Variants in ARHGEF26 observed in about 807,000 individuals in gnomAD.
ARHGEF26 encodes the protein Rho guanine nucleotide exchange factor (GEF) 26.
In ARHGEF26, 59 loss-of-function variants were observed where a neutral mutation model predicts 89.4. The ratio of observed to expected loss-of-function variants is 0.66; its 90% confidence interval spans 0.54 to 0.82. The LOEUF is 0.82. Among genes scored for constraint, ARHGEF26 ranks in the 40% least tolerant of loss-of-function variants. ARHGEF26 has a pLI of 0.00. For synonymous variants in ARHGEF26, 500 were observed against 428.4 expected (o/e 1.17, Z -2.06); for missense variants, 1,234 against 1,085.6 (o/e 1.14, Z -1.92).
upstream of ARHGEF26, chr3:154,121,097 T>C (rs535931681): frequency 5.9e-5 from 9 of 152,286 alleles, no homozygotes; most frequent in Non-Finnish European, 1.3e-4. Flanking sequence ...CTTCCTAAGC[T>C]GCAATTCAGC....
At chr3:154,255,309 T>G in intron 14 of ARHGEF26, 22 bp from the exon 15 acceptor site, 1 of 1,607,092 alleles carries the variant, frequency 6.2e-7, no homozygotes, top group East Asian at 2.2e-5. Context: ...TTGTTTGGTG[T>G]GGACTCTGTT....
chr3:154,247,804 C>G (rs2108294583), intron 12 of ARHGEF26, among the ~76,000 whole-genome samples: 1 of 152,280 alleles, frequency 6.6e-6, no homozygotes, highest in Admixed American at 6.5e-5. Context: ...GTCATGTATA[C>G]TGTGTTATAT....
intron 11 of ARHGEF26, among the ~76,000 whole-genome samples, chr3:154,228,706 G>T (rs1048348848): frequency 6.8e-6 from 1 of 147,036 alleles, no homozygotes; most frequent in Non-Finnish European, 1.5e-5. Flanking sequence ...TGTACACTAT[G>T]CCTGACCGTA....
intron 12 of ARHGEF26, among the ~76,000 whole-genome samples, chr3:154,241,640 G>A (rs1717488153): frequency 6.6e-6 from 1 of 152,212 alleles, no homozygotes; most frequent in African/African-American, 2.4e-5. Flanking sequence ...TCTCCAGTAG[G>A]GGAGAGAGAT....
intron 6 of ARHGEF26, among the ~76,000 whole-genome samples, chr3:154,182,628 C>G (rs996867925): frequency 6.6e-6 from 1 of 152,122 alleles, no homozygotes; most frequent in African/African-American, 2.4e-5. Flanking sequence ...GGAAAATGAT[C>G]TTTTTCTTTG....
chr3:154,135,427 C>T (rs181471658), intron 4 of ARHGEF26, among the ~76,000 whole-genome samples: 14 of 152,214 alleles, frequency 9.2e-5, no homozygotes, highest in Admixed American at 5.9e-4. Context: ...GTAATATCCC[C>T]CTTGTCCTGA....
At chr3:154,187,866 A>G (rs1020335526) in intron 7 of ARHGEF26, 29 bp downstream of exon 7, 2 of 1,586,424 alleles carry the variant, frequency 1.3e-6, no homozygotes, top group African/African-American at 1.3e-5. Context: ...TACAGTTTTA[A>G]TCATCTAACC....
At chr3:154,223,060 A>C (rs1229549382) in intron 10 of ARHGEF26, among the ~76,000 whole-genome samples, 1 of 152,218 alleles carries the variant, frequency 6.6e-6, no homozygotes, top group East Asian at 1.9e-4. Context: ...AGTTGCCTCT[A>C]CAGAGTTGGG....
chr3:154,250,694 A>G lies in ARHGEF26; in HGVS notation c.2301-2422A>G, dbSNP rs561823002. ...GCTCCAGAAGACAGCAGTATAGGCT[A>G]TGTATAATTTGTTTCAGTATGGCAT... On this transcript the variant is annotated intron_variant, in intron 12 of 14. Coordinates refer to ENST00000465093, the MANE Select transcript of ARHGEF26 (RefSeq NM_015595.4). 1.4e-4 allele frequency among the ~76,000 whole-genome samples: 22 copies of G among 152,286 alleles called. No homozygotes were observed. The South Asian group carries it at 3.7e-3, about 26-fold the overall frequency.
At chr3:154,228,467 T>C (rs1005217184) in intron 11 of ARHGEF26, among the ~76,000 whole-genome samples, 1 of 151,536 alleles carries the variant, frequency 6.6e-6, no homozygotes, top group Non-Finnish European at 1.5e-5. Flanking sequence ...TTTTTTTTCT[T>C]TTTCTTTTTT....
At chr3:154,131,634 G>A (rs1159909925) in intron 4 of ARHGEF26, among the ~76,000 whole-genome samples, 1 of 152,216 alleles carries the variant, frequency 6.6e-6, no homozygotes, top group East Asian at 1.9e-4. Flanking sequence ...GGATCCAGGA[G>A]AAGAAAGAAG....
In ARHGEF26 at chr3:154,229,203, A is replaced by T. The variant is rs545625518; in HGVS notation, c.2090+3193A>T. ...CATTAAAAACAAGCTTATTTTAATTATTAATTTTTTTTTTAGAGACGGGAC... is the reference window on the plus strand; with the variant it reads ...CATTAAAAACAAGCTTATTTTAATTTTTAATTTTTTTTTTAGAGACGGGAC... On this transcript the variant is annotated intron_variant, in intron 11 of 14. Coordinates refer to ENST00000465093, the MANE Select transcript of ARHGEF26 (RefSeq NM_015595.4). 2.6e-5 allele frequency among the ~76,000 whole-genome samples: 4 copies of T among 151,916 alleles called. No homozygotes were observed. The East Asian group carries it at 7.7e-4, about 29-fold the overall frequency.
chr3:154,248,559 A>C (rs1433711637), intron 12 of ARHGEF26, among the ~76,000 whole-genome samples: 1 of 152,074 alleles, frequency 6.6e-6, no homozygotes, highest in Non-Finnish European at 1.5e-5. Context: ...ACATTTATCT[A>C]GTGCCTGTCA....
At chr3:154,166,896 T>C (rs1576726569) in intron 6 of ARHGEF26, among the ~76,000 whole-genome samples, 1 of 152,174 alleles carries the variant, frequency 6.6e-6, no homozygotes, top group Admixed American at 6.5e-5. Context: ...GGGCGTAGCT[T>C]CCAGAGATAC....
chr3:154,156,350 C>A (rs1632688), intron 6 of ARHGEF26, among the ~76,000 whole-genome samples: 138,239 of 152,142 alleles, frequency 0.91, 63,022 homozygotes, highest in East Asian at 1. Context: ...CATAGCTTAT[C>A]GTAAGGGGCT....
At chr3:154,183,715 A>T (rs915362363) in intron 6 of ARHGEF26, among the ~76,000 whole-genome samples, 1 of 152,226 alleles carries the variant, frequency 6.6e-6, no homozygotes, top group African/African-American at 2.4e-5. Flanking sequence ...TTTGGTTTAT[A>T]TTGAAGTAAG....
intron 4 of ARHGEF26, among the ~76,000 whole-genome samples, chr3:154,148,897 GA>G (rs1719840432): frequency 6.6e-6 from 1 of 152,178 alleles, no homozygotes; most frequent in Admixed American, 6.5e-5. Flanking sequence ...AAAAACACAT[GA>G]AAACTGGTAC....
intron 6 of ARHGEF26, among the ~76,000 whole-genome samples, chr3:154,169,536 T>A (rs564674141): frequency 1.3e-5 from 2 of 152,344 alleles, no homozygotes; most frequent in South Asian, 2.1e-4. Flanking sequence ...CTGTTTAAAG[T>A]GATCCCAAAG....
At chr3:154,166,728 T>C (rs357489) in intron 6 of ARHGEF26, among the ~76,000 whole-genome samples, 1 of 151,958 alleles carries the variant, frequency 6.6e-6, no homozygotes, top group African/African-American at 2.4e-5. Flanking sequence ...GCCTCAATGC[T>C]TATCCATCTG....
Sources: gnomAD v4.1 joint callset for allele counts (sites outside exome capture counted in the v4.1 genomes callset) on GRCh38, gnomAD v4.1.1 for gene constraint, MANE v1.5 for transcripts, NCBI Gene and HGNC (gene_info 2026-07-23, HGNC 2026-07-21) for gene names.